The following ALG9 variants were observed in gnomAD, a reference collection of about 807,000 sequenced individuals.
The protein encoded by ALG9 is alpha-1,2-mannosyltransferase ALG9.
In ALG9, 55 loss-of-function variants were observed where a neutral mutation model predicts 81.8. That is an observed-to-expected ratio of 0.67 (90% CI 0.54 to 0.84). ALG9 has a LOEUF of 0.84. Ranked by LOEUF, ALG9 falls within the 40% of genes least tolerant of loss-of-function variation. The pLI is 0.00. For missense variants in ALG9, 629 were observed against 745.0 expected (o/e 0.84, Z 1.81); for synonymous variants, 278 against 274.3 (o/e 1.01, Z -0.13).
At chr11:111,819,902 C>T (rs1952064720) in intron 13 of ALG9, among the ~76,000 whole-genome samples, 1 of 152,166 alleles carries the variant, frequency 6.6e-6, no homozygotes, top group Non-Finnish European at 1.5e-5. Context: ...GAATGGTGAC[C>T]AGCCACACCA....
chr11:111,840,941 T>G, intron 9 of ALG9, 132 bp from the exon 10 acceptor site: 1 of 1,069,602 alleles, frequency 9.3e-7, no homozygotes, highest in South Asian at 1.4e-5. Flanking sequence ...TACTCTTGTA[T>G]TCACACTTTC....
chr11:111,798,921 G>A (rs1334769474), intron 14 of ALG9, among the ~76,000 whole-genome samples: 5 of 152,144 alleles, frequency 3.3e-5, no homozygotes, highest in African/African-American at 1.2e-4. Flanking sequence ...CGAACATCTG[G>A]GCTGTCATTC....
intron 1 of ALG9, chr11:111,871,047 G>A: frequency 8.9e-7 from 1 of 1,119,230 alleles, no homozygotes; most frequent in East Asian, 5.4e-5. Flanking sequence ...AGCCGTAAAA[G>A]GTATACTCTT....
intron 3 of ALG9, 58 bp downstream of exon 3, chr11:111,868,544 A>C: frequency 6.3e-7 from 1 of 1,582,700 alleles, no homozygotes; most frequent in Non-Finnish European, 8.6e-7. Flanking sequence ...TCTCAAAACT[A>C]TACCAGAGAC....
chr11:111,846,787 G>A (rs569347425), intron 8 of ALG9, among the ~76,000 whole-genome samples: 7 of 152,256 alleles, frequency 4.6e-5, no homozygotes, highest in African/African-American at 7.2e-5. Flanking sequence ...AAAGCAAAGG[G>A]TATAAACTTT....
In ALG9 at chr11:111,870,276, T is replaced by G; in HGVS notation, c.226A>C (p.Ser76Arg). The G allele has an allele frequency of 6.2e-7, 1 of 1,610,052 alleles. No homozygotes were observed. The highest frequency in any genetic ancestry group is 1.1e-5 in the South Asian group (1 of 90,698). ...LSARLCAALLSNISDCDETFN... is the reference protein window; with the variant it reads ...LSARLCAALLRNISDCDETFN... ...GTTTCATCACAGTCAGAGATGTTGC[T>G]CAGGAGAGCAGCACATAACCTTGCT... Residue 76 changes from serine to arginine, a missense_variant, in exon 2 of 15, where the codon AGC (serine) becomes CGC (arginine). By Grantham distance (110) the Ser-to-Arg change is moderately radical (BLOSUM62 -1). This residue lies in a region of ALG9 where 344 missense variants were observed against 390.5 expected (regional missense o/e 0.88). Coordinates refer to ENST00000616540, the MANE Select transcript of ALG9 (RefSeq NM_024740.2).
At chr11:111,786,942 G>C (rs1334610429) in intron 14 of ALG9, among the ~76,000 whole-genome samples, 1 of 152,176 alleles carries the variant, frequency 6.6e-6, no homozygotes, top group Non-Finnish European at 1.5e-5. Context: ...GAAAGGGCAA[G>C]AAAACTACAT....
chr11:111,776,717 G>A, the ALG9 span, among the ~76,000 whole-genome samples: 2 of 152,172 alleles, frequency 1.3e-5, no homozygotes, highest in Non-Finnish European at 2.9e-5. Context: ...TAACAATCAT[G>A]AAGAATAGAA....
At chr11:111,865,396 A>T (rs1962027998) in intron 3 of ALG9, 145 bp from the exon 4 acceptor site, 1 of 638,930 alleles carries the variant, frequency 1.6e-6, no homozygotes, top group African/African-American at 1.9e-5. Flanking sequence ...GAATTTTCAT[A>T]TCCCTTGACT....
At chr11:111,844,753 T>G (rs1473017647) in intron 8 of ALG9, 30 bp from the exon 9 acceptor site, 1 of 1,611,186 alleles carries the variant, frequency 6.2e-7, no homozygotes, top group Non-Finnish European at 8.5e-7. Context: ...AAGAAATCAT[T>G]AGTGGATGCC....
At chr11:111,870,950 C>G (rs1262493603) in intron 1 of ALG9, 2 of 1,012,404 alleles carry the variant, frequency 2.0e-6, no homozygotes, top group Non-Finnish European at 2.4e-6. Context: ...CCTGCAGCCT[C>G]CAGGGTTTGG....
At chr11:111,808,461 A>T (rs1950240477) in intron 14 of ALG9, among the ~76,000 whole-genome samples, 2 of 152,072 alleles carry the variant, frequency 1.3e-5, no homozygotes, top group African/African-American at 4.8e-5. Flanking sequence ...AATTGAACTC[A>T]CTCAGAACAA....
chr11:111,833,081 T>A (rs1307515505), intron 13 of ALG9, among the ~76,000 whole-genome samples: 1 of 152,112 alleles, frequency 6.6e-6, no homozygotes, highest in Non-Finnish European at 1.5e-5. Flanking sequence ...GCTTAAGCAT[T>A]AAATTAAAGT....
At chr11:111,837,436 T>C (rs1433778582) in intron 12 of ALG9, 32 bp downstream of exon 12, 1 of 1,613,080 alleles carries the variant, frequency 6.2e-7, no homozygotes, top group Non-Finnish European at 8.5e-7. Flanking sequence ...TACTCCTTCA[T>C]TTAAAACCCT....
intron 13 of ALG9, among the ~76,000 whole-genome samples, chr11:111,833,905 A>T (rs1319397633): frequency 6.6e-6 from 1 of 152,242 alleles, no homozygotes; most frequent in Non-Finnish European, 1.5e-5. Context: ...AAGCCTAAGA[A>T]ATGTGCAAAA....
At position 111,853,733 on chromosome 11, in the gene ALG9, TA is replaced by T; in HGVS notation, c.704del (p.Leu235TyrfsTer10). On this transcript the variant is annotated frameshift_variant and splice_region_variant, in exon 7 of 15. Transcript: ENST00000616540. LOFTEE classifies it high-confidence loss of function. ...LGWPFSAALG[L>X]PIAFDLLVMK... Reference sequence around the variant, plus strand: ...TGACCAGCAAATCAAAGGCAATGGGTAAACTATTTAACAGAGAAACAGAGCG... The same window carrying T: ...TGACCAGCAAATCAAAGGCAATGGGTAACTATTTAACAGAGAAACAGAGCG... The T allele has an allele frequency of 5.6e-6, 9 of 1,613,256 alleles. No individual in the cohort carries two copies. The highest frequency in any genetic ancestry group is 7.6e-6 in the Non-Finnish European group (9 of 1,179,254).
At chr11:111,845,297 C>T (rs976328035) in intron 8 of ALG9, 5 of 155,128 alleles carry the variant, frequency 3.2e-5, no homozygotes, top group African/African-American at 7.2e-5. Flanking sequence ...CAGTGAGACC[C>T]TGTCTCAAAT....
At chr11:111,790,568 A>T (rs1591795991) in intron 14 of ALG9, among the ~76,000 whole-genome samples, 1 of 152,240 alleles carries the variant, frequency 6.6e-6, no homozygotes, top group Admixed American at 6.5e-5. Context: ...AAAGGTAAAA[A>T]ATAAAAGAGA....
chr11:111,781,645 A>AT (rs1945944465), downstream of ALG9, among the ~76,000 whole-genome samples: 1 of 151,666 alleles, frequency 6.6e-6, no homozygotes, highest in Non-Finnish European at 1.5e-5. Flanking sequence ...ATTTTTATTC[A>AT]TTTTTTATTA....
Sources: gnomAD v4.1 joint callset for allele counts (sites outside exome capture counted in the v4.1 genomes callset) on GRCh38, gnomAD v4.1.1 for gene constraint, gnomAD v4.1.1 regional missense constraint, MANE v1.5 for transcripts, NCBI Gene and HGNC (gene_info 2026-07-23, HGNC 2026-07-21) for gene names.